The following STARD8 variants were observed in gnomAD, a reference collection of about 807,000 sequenced individuals.
STARD8 encodes the protein StAR related lipid transfer domain containing 8.
Under a neutral mutation model 69.4 loss-of-function variants are expected in STARD8, and 25 were observed. The observed-to-expected ratio is 0.36, with a 90% CI of 0.26 to 0.50. The LOEUF (loss-of-function observed/expected upper bound fraction) is 0.50. Among genes scored for constraint, STARD8 ranks in the 20% least tolerant of loss-of-function variants. STARD8 has a pLI of 0.96. For missense variants in STARD8, 921 were observed against 932.5 expected (o/e 0.99, Z 0.16); for synonymous variants, 389 against 374.6 (o/e 1.04, Z -0.45).
At chrX:68,721,845 C>T in intron 10 of STARD8, 99 bp downstream of exon 10, 2 of 921,949 alleles carry the variant, frequency 2.2e-6, no homozygotes, top group East Asian at 3.3e-5. Context: ...TGTGTCTCAG[C>T]CTCACCACAA....
chrX:68,653,407 ACACAC>A (rs1473067573), intron 1 of STARD8, among the ~76,000 whole-genome samples: 1 of 63,618 alleles, frequency 1.6e-5, no homozygotes, highest in Non-Finnish European at 2.9e-5. Flanking sequence ...CACACACCAC[ACACAC>A]CACACCACAC....
intron 12 of STARD8, 152 bp from the exon 13 acceptor site, chrX:68,723,474 G>A (rs778407788): frequency 1.0e-5 from 5 of 480,390 alleles, no homozygotes; most frequent in Non-Finnish European, 1.7e-5. Flanking sequence ...GAGCATGGGA[G>A]CACTGTCTCA....
intron 1 of STARD8, among the ~76,000 whole-genome samples, chrX:68,655,079 C>T (rs2079603015): frequency 8.9e-6 from 1 of 111,746 alleles, no homozygotes; most frequent in Non-Finnish European, 1.9e-5. Flanking sequence ...GGAAAGGGAC[C>T]TCAGAGACTC....
rs1361873288 is a variant in STARD8, at chrX:68,723,843, G to A, written c.3017G>A (p.Arg1006Gln). The change falls in exon 13 of 15, where the codon CGG becomes CAG. Residue 1006 changes from arginine (R) to glutamine (Q), a missense_variant and splice_region_variant. Arg to Gln is a conservative substitution (Grantham distance 43, BLOSUM62 1). Transcript: ENST00000374599. The stretch of plus-strand genomic sequence containing the variant: ...CCCTGCCGCGACTTTGTGGTGCTTC[G>A]GTGAGGGGCTGCAGCTGCTACCCTT... ...PHPCRDFVVL[R>Q]MWRSDLPRGG... 3.3e-6 allele frequency: 4 copies of A among 1,201,108 alleles called. No homozygotes were observed. Among genetic ancestry groups the A allele is most frequent in the Non-Finnish European group, 4.5e-6 (4 of 889,888 alleles).
intron 1 of STARD8, among the ~76,000 whole-genome samples, chrX:68,657,007 T>A (rs1245214436): frequency 8.9e-6 from 1 of 111,896 alleles, no homozygotes; most frequent in Non-Finnish European, 1.9e-5. Context: ...AAAAGTATAA[T>A]TAAAAAAGAA....
chrX:68,660,137 G>A (rs1321678336), intron 1 of STARD8, among the ~76,000 whole-genome samples: 1 of 110,795 alleles, frequency 9.0e-6, no homozygotes, highest in Non-Finnish European at 1.9e-5. Context: ...CAGAGGGGAG[G>A]TAGGTGTTCT....
At position 68,718,198 on chromosome X, in the gene STARD8, A is replaced by C. The variant is rs61743089; in HGVS notation, c.1284A>C (p.Glu428Asp). 5,995 of 1,209,774 alleles carry C rather than the reference A, an allele frequency of 5.0e-3. 224 individuals are homozygous for C. The African/African-American group carries it at 0.092, about 19-fold the overall frequency. ...AGGAGGAGGCCACTTCATCAGTAGA[A>C]ATAGCCACAGTTGAGGTCAAATGCC... ...EEEEEATSSV[E>D]IATVEVKCQA... The change falls in exon 6 of 15, where the codon GAA becomes GAC. Residue 428 changes from glutamate to aspartate, a missense_variant. Glu to Asp is a conservative substitution (Grantham distance 45). Transcript: ENST00000374599.
At chrX:68,693,419 T>A (rs1247877198) in intron 2 of STARD8, among the ~76,000 whole-genome samples, 1 of 112,802 alleles carries the variant, frequency 8.9e-6, no homozygotes, top group Non-Finnish European at 1.9e-5. Context: ...AGTCACTGCT[T>A]GAGCCTCAGT....
At chrX:68,677,162 A>T (rs1468441572) in intron 2 of STARD8, among the ~76,000 whole-genome samples, 3 of 111,057 alleles carry the variant, frequency 2.7e-5, no homozygotes, top group Non-Finnish European at 5.7e-5. Flanking sequence ...ATTAAAAAAA[A>T]AAGTTTTGAA....
chrX:68,713,408 C>T (rs753130872), intron 3 of STARD8, among the ~76,000 whole-genome samples: 12 of 111,820 alleles, frequency 1.1e-4, no homozygotes, highest in South Asian at 3.8e-4. Flanking sequence ...TAGAGTTCTT[C>T]GCACTTGCTG....
At chrX:68,694,135 C>G (rs1433777465) in intron 2 of STARD8, among the ~76,000 whole-genome samples, 1 of 113,026 alleles carries the variant, frequency 8.8e-6, no homozygotes, top group African/African-American at 3.2e-5. Flanking sequence ...GTCTCGCAGC[C>G]GTCGCTCTGG....
intron 2 of STARD8, among the ~76,000 whole-genome samples, chrX:68,704,727 A>T (rs933850204): frequency 4.5e-5 from 5 of 111,022 alleles, no homozygotes; most frequent in African/African-American, 1.6e-4. Context: ...GTTGCCACTG[A>T]GGTTCCTCGC....
chrX:68,672,988 A>G (rs1205654031), intron 2 of STARD8, among the ~76,000 whole-genome samples: 1 of 112,001 alleles, frequency 8.9e-6, no homozygotes, highest in African/African-American at 3.3e-5. Context: ...ATTAAAAACA[A>G]AACACAAAAC....
At chrX:68,652,865 A>ACCCACACC (rs2079560567) in intron 1 of STARD8, among the ~76,000 whole-genome samples, 2 of 3,961 alleles carry the variant, frequency 5.0e-4, no homozygotes, top group Non-Finnish European at 8.5e-4. Context: ...CACCACACAC[A>ACCCACACC]CACACACCCA....
chrX:68,699,842 T>C (rs2079952536), intron 2 of STARD8, among the ~76,000 whole-genome samples: 1 of 111,940 alleles, frequency 8.9e-6, no homozygotes, highest in Non-Finnish European at 1.9e-5. Flanking sequence ...GCAAATACCT[T>C]AGACAACACT....
At chrX:68,659,313 A>G (rs891513564) in intron 1 of STARD8, among the ~76,000 whole-genome samples, 3 of 112,090 alleles carry the variant, frequency 2.7e-5, no homozygotes, top group Non-Finnish European at 5.6e-5. Context: ...AAACATTTTT[A>G]CCTGCCATTC....
intron 12 of STARD8, 92 bp from the exon 13 acceptor site, chrX:68,723,534 C>T (rs1010159443): frequency 1.2e-6 from 1 of 812,171 alleles, no homozygotes; most frequent in Non-Finnish European, 1.7e-6. Flanking sequence ...TATTAAGCCT[C>T]AGGCCCTGCA....
intron 1 of STARD8, among the ~76,000 whole-genome samples, chrX:68,660,359 T>TGTCA (rs1470288805): frequency 8.9e-6 from 1 of 111,803 alleles, no homozygotes; most frequent in Non-Finnish European, 1.9e-5. Context: ...GCGCAGAATG[T>TGTCA]GTCAGTCAGT....
chrX:68,713,110 AT>A, intron 3 of STARD8, 125 bp downstream of exon 3: 1 of 682,818 alleles, frequency 1.5e-6, no homozygotes, highest in Non-Finnish European at 2.2e-6. Flanking sequence ...CCCTGCTCCG[AT>A]TTTTTTCAGG....
Sources: gnomAD v4.1 joint callset for allele counts (sites outside exome capture counted in the v4.1 genomes callset) on GRCh38, gnomAD v4.1.1 for gene constraint, MANE v1.5 for transcripts, NCBI Gene and HGNC (gene_info 2026-07-23, HGNC 2026-07-21) for gene names.